The following BEND6 variants were observed in gnomAD, a reference collection of about 807,000 sequenced individuals.
BEND6 encodes BEN domain containing 6.
BEND6 carries 24 observed loss-of-function variants against 31.8 expected under a neutral mutation model. The ratio of observed to expected loss-of-function variants is 0.75; its 90% CI spans 0.55 to 1.06. The LOEUF is 1.06. Ranked by LOEUF, BEND6 falls within the 50% of genes least tolerant of loss-of-function variation. The probability of loss-of-function intolerance (pLI) is 0.00; values close to 1 mark genes in which losing one functional copy is unlikely to be tolerated. For synonymous variants in BEND6, 109 were observed against 114.6 expected (o/e 0.95, Z 0.31); for missense variants, 294 against 327.4 (o/e 0.90, Z 0.79).
At chr6:57,007,835 G>A (rs1220754765) in intron 3 of BEND6, among the ~76,000 whole-genome samples, 3 of 152,066 alleles carry the variant, frequency 2.0e-5, no homozygotes, top group East Asian at 3.9e-4. Context: ...CTTTGTTCCC[G>A]GAACCAAGCT....
At chr6:57,011,746 G>C (rs12110673) in intron 3 of BEND6, among the ~76,000 whole-genome samples, 2 of 131,528 alleles carry the variant, frequency 1.5e-5, no homozygotes, top group African/African-American at 5.6e-5. Flanking sequence ...GAAAAAAAAA[G>C]AAAAGAAAAG....
chr6:56,994,268 G>A (rs1226915328), intron 3 of BEND6, among the ~76,000 whole-genome samples: 1 of 151,600 alleles, frequency 6.6e-6, no homozygotes, highest in Non-Finnish European at 1.5e-5. Context: ...GACCATCCTG[G>A]CTAACACTGT....
chr6:56,961,142 A>C (rs539115689), intron 1 of BEND6, among the ~76,000 whole-genome samples: 1 of 152,206 alleles, frequency 6.6e-6, no homozygotes, highest in Non-Finnish European at 1.5e-5. Context: ...AATCATCAGA[A>C]TCATGCAAAT....
chr6:56,987,082 A>G (rs1826308042), intron 2 of BEND6, among the ~76,000 whole-genome samples: 1 of 150,954 alleles, frequency 6.6e-6, no homozygotes, highest in African/African-American at 2.4e-5. Context: ...TTTTCAAACA[A>G]TTCTCGTGCC....
intron 3 of BEND6, among the ~76,000 whole-genome samples, chr6:57,003,998 C>T (rs904318322): frequency 6.6e-6 from 1 of 152,064 alleles, no homozygotes; most frequent in African/African-American, 2.4e-5. Flanking sequence ...GATAAAAACC[C>T]TCAAGAAAAT....
intron 3 of BEND6, among the ~76,000 whole-genome samples, chr6:56,993,917 T>G (rs1238899200): frequency 6.6e-6 from 1 of 152,124 alleles, no homozygotes; most frequent in African/African-American, 2.4e-5. Flanking sequence ...CCAGGCTGGT[T>G]TTGAACTCCT....
At chr6:56,972,091 T>C (rs1300876603) in intron 1 of BEND6, among the ~76,000 whole-genome samples, 75 of 132,364 alleles carry the variant, frequency 5.7e-4, no homozygotes, top group African/African-American at 1.9e-3. Context: ...ACTTTCTTTT[T>C]TTTTTTTTTT....
intron 3 of BEND6, among the ~76,000 whole-genome samples, chr6:57,011,645 G>A (rs1412493763): frequency 7.2e-6 from 1 of 139,262 alleles, no homozygotes; most frequent in East Asian, 2.2e-4. Flanking sequence ...TTGAGCCCGG[G>A]AAGTCAAGGC....
intron 3 of BEND6, chr6:57,004,801 C>A (rs1827094013): frequency 2.3e-6 from 2 of 851,682 alleles, no homozygotes; most frequent in Non-Finnish European, 4.0e-6. Context: ...ATTGGGTGAC[C>A]AATTAGGATT....
intron 3 of BEND6, 23 bp from the exon 4 acceptor site, chr6:57,015,110 T>TG: frequency 6.3e-7 from 1 of 1,593,714 alleles, no homozygotes; most frequent in Non-Finnish European, 8.6e-7. Context: ...ATTTGTAAAG[T>TG]GTACTTTTTC....
chr6:56,964,150 A>G lies in BEND6; in HGVS notation c.-101+8690A>G, dbSNP rs560712534. Among the ~76,000 whole-genome samples the G allele has an allele frequency of 6.1e-4, 92 of 151,990 alleles. 3 individuals are homozygous for G. The South Asian group carries it at 0.018, about 30-fold the overall frequency. On this transcript the variant is annotated intron_variant, in intron 1 of 6. Transcript: ENST00000370746. ...AGAGACAGAAGCACAGAAAGATTAC[A>G]TGGGTAGTAAGTATTGGAGCTAGGA...
At chr6:57,024,382 C>G (rs1827841291) in intron 6 of BEND6, among the ~76,000 whole-genome samples, 1 of 152,122 alleles carries the variant, frequency 6.6e-6, no homozygotes, top group African/African-American at 2.4e-5. Context: ...CTTTAGATTT[C>G]TTATGAGACT....
chr6:57,024,160 C>A (rs1827834768), intron 6 of BEND6, among the ~76,000 whole-genome samples: 1 of 152,154 alleles, frequency 6.6e-6, no homozygotes, highest in Admixed American at 6.5e-5. Context: ...TTTTATATTG[C>A]CTATCTCTTA....
At chr6:57,021,824 G>A (rs1478828816) in intron 6 of BEND6, among the ~76,000 whole-genome samples, 1 of 152,116 alleles carries the variant, frequency 6.6e-6, no homozygotes, top group Admixed American at 6.5e-5. Context: ...CTAATACAGT[G>A]GTGCTAAAAT....
chr6:56,997,326 C>A (rs985690519), intron 3 of BEND6, among the ~76,000 whole-genome samples: 1 of 152,176 alleles, frequency 6.6e-6, no homozygotes, highest in African/African-American at 2.4e-5. Flanking sequence ...TTTCTTCTCC[C>A]AGTTTTTATT....
At chr6:57,014,683 A>G (rs1325582901) in intron 3 of BEND6, among the ~76,000 whole-genome samples, 1 of 152,200 alleles carries the variant, frequency 6.6e-6, no homozygotes, top group African/African-American at 2.4e-5. Flanking sequence ...AGGTCATAGA[A>G]AATTTATTTT....
intron 1 of BEND6, among the ~76,000 whole-genome samples, chr6:56,977,044 A>G (rs1825901220): frequency 1.3e-5 from 2 of 152,240 alleles, no homozygotes; most frequent in Admixed American, 1.3e-4. Context: ...CTTCACACAA[A>G]TTAAAAAATG....
intron 2 of BEND6, among the ~76,000 whole-genome samples, chr6:56,991,143 G>A (rs370175495): frequency 9.2e-5 from 14 of 151,892 alleles, no homozygotes; most frequent in East Asian, 7.7e-4. Context: ...AATTAATTAA[G>A]CCTTCTTATC....
chr6:56,989,643 C>G (rs1826417734), intron 2 of BEND6, among the ~76,000 whole-genome samples: 1 of 152,104 alleles, frequency 6.6e-6, no homozygotes, highest in Admixed American at 6.5e-5. Flanking sequence ...TATTTTTGCC[C>G]CAAATGATGT....
Sources: allele counts gnomAD v4.1 joint callset (sites outside exome capture counted in the v4.1 genomes callset), GRCh38; gene constraint gnomAD v4.1.1; transcripts MANE v1.5; gene names NCBI Gene and HGNC (gene_info 2026-07-23, HGNC 2026-07-21).